The following TATDN3 variants were observed in gnomAD, a reference collection of about 807,000 sequenced individuals.
The protein encoded by TATDN3 is TatD DNase domain containing 3.
In TATDN3, 29 loss-of-function variants were observed where a neutral mutation model predicts 40.1. The ratio of observed to expected loss-of-function variants is 0.72; its 90% CI spans 0.54 to 0.99. TATDN3 has a LOEUF of 0.99. Among genes scored for constraint, TATDN3 ranks in the 50% least tolerant of loss-of-function variants. The pLI, the probability that TATDN3 is intolerant of heterozygous loss-of-function variation, is 0.00. For missense variants in TATDN3, 309 were observed against 321.9 expected, an observed-to-expected ratio of 0.96 and a Z score of 0.31; for synonymous variants, 105 against 117.0, an observed-to-expected ratio of 0.90 and a Z score of 0.66.
chr1:212,805,955 T>C (rs1336423044), intron 7 of TATDN3, among the ~76,000 whole-genome samples: 1 of 152,170 alleles, frequency 6.6e-6, no homozygotes, highest in Non-Finnish European at 1.5e-5. Context: ...TAAGCACTCA[T>C]TGGTTGTGCT....
chr1:212,794,873 T>C, intron 1 of TATDN3: 1 of 652,182 alleles, frequency 1.5e-6, no homozygotes, highest in Non-Finnish European at 2.8e-6. Flanking sequence ...CCCTGTATAT[T>C]TGACAATAGA....
rs778703681 is a variant in TATDN3 at position 212,792,029 on chromosome 1, C to T, written c.66+42C>T. On this transcript the variant is annotated intron_variant, in intron 1 of 9. Coordinates refer to ENST00000366974, the MANE Select transcript of TATDN3 (RefSeq NM_001042552.3). Reference sequence around the variant, plus strand: ...CGGGACCAGAGGGAGCAGGGAGGCCCCCGTCCTTTCCCCTCGTGTTATCTT... The same window carrying T: ...CGGGACCAGAGGGAGCAGGGAGGCCTCCGTCCTTTCCCCTCGTGTTATCTT... The T allele has an allele frequency of 6.9e-6, 11 of 1,588,104 alleles. No homozygotes were observed. In the South Asian group the frequency reaches 1.2e-4, roughly 18 times the overall value.
intron 1 of TATDN3, 32 bp downstream of exon 1, chr1:212,792,019 C>G (rs371080805): frequency 6.2e-7 from 1 of 1,606,138 alleles, no homozygotes; most frequent in Non-Finnish European, 8.5e-7. Context: ...CCAGAGGGAG[C>G]AGGGAGGCCC....
Position 212,812,269 on chromosome 1 carries a change from T to C in TATDN3, c.622T>C (p.Leu208=). The change falls in exon 9 of 10, where the codon TTG becomes CTG. Residue 208 remains leucine, a synonymous_variant. Coordinates refer to ENST00000366974, the MANE Select transcript of TATDN3 (RefSeq NM_001042552.3). ...TAAGAAGCAGAAACTTGTGAAACAATTGCCTTTAACTTCTATATGCTTAGA... is the reference window on the plus strand; with the variant it reads ...TAAGAAGCAGAAACTTGTGAAACAACTGCCTTTAACTTCTATATGCTTAGA... ...SGQKQKLVKQ[L]PLTSICLETD... The C allele has an allele frequency of 6.3e-7, 1 of 1,580,272 alleles. No homozygotes were observed. The highest frequency in any genetic ancestry group is 8.5e-7 in the Non-Finnish European group (1 of 1,170,024).
intron 4 of TATDN3, among the ~76,000 whole-genome samples, chr1:212,798,536 C>CAAAAAAAAAAAAAAAAAAAAAAAA (rs11296428): frequency 1.1e-5 from 1 of 91,322 alleles, no homozygotes; most frequent in African/African-American, 4.1e-5. Context: ...CTCAAAAACT[C>CAAAAAAAAAAAAAAAAAAAAAAAA]AAAAAAAAAA....
Position 212,795,112 on chromosome 1 carries a change from G to A in TATDN3, c.84G>A (p.Leu28=). ...PDFDRDLDDV[L]EKAKKANVVA... is the part of the protein sequence containing the mutation. ...TGTTTTAGGATTTGGATGATGTGTTGGAGAAAGCCAAGAAGGTAAGTCAAT... is the reference window on the plus strand; with the variant it reads ...TGTTTTAGGATTTGGATGATGTGTTAGAGAAAGCCAAGAAGGTAAGTCAAT... Residue 28 remains leucine (L), a synonymous_variant, in exon 2 of 10, where the codon TTG becomes TTA. Transcript: ENST00000366974. 1 of 1,612,128 alleles carries A rather than the reference G, an allele frequency of 6.2e-7. No homozygotes were observed. Among genetic ancestry groups the A allele is most frequent in the Non-Finnish European group, 8.5e-7 (1 of 1,178,774 alleles).
intron 5 of TATDN3, among the ~76,000 whole-genome samples, chr1:212,803,495 ATT>A (rs1343050551): frequency 6.6e-6 from 1 of 152,082 alleles, no homozygotes; most frequent in Non-Finnish European, 1.5e-5. Flanking sequence ...ATTGTGAAAT[ATT>A]TTTATTACTT....
rs998385967 is a variant in TATDN3 at position 212,809,410 on chromosome 1, C to T, written c.600+1562C>T. On this transcript the variant is annotated intron_variant, in intron 8 of 9. Transcript: ENST00000366974. ...TTTAAAAATTAAAAACTAGGCCGGG[C>T]GCAGTGGCTTATGCCTGTAATCCCA... is the stretch of plus-strand genomic sequence containing the variant. 9.9e-5 allele frequency among the ~76,000 whole-genome samples: 15 copies of T among 152,182 alleles called. 1 individual carries two copies. Among genetic ancestry groups the T allele is most frequent in the Admixed American group, 7.2e-4 (11 of 15,268 alleles).
intron 7 of TATDN3, among the ~76,000 whole-genome samples, chr1:212,805,541 C>T (rs754460905): frequency 1.3e-5 from 2 of 152,220 alleles, no homozygotes; most frequent in Non-Finnish European, 2.9e-5. Flanking sequence ...CAGGCGTGAG[C>T]GACTGTGCCT....
At chr1:212,796,313 T>C (rs1175520557) in intron 2 of TATDN3, among the ~76,000 whole-genome samples, 8 of 152,228 alleles carry the variant, frequency 5.3e-5, no homozygotes, top group African/African-American at 1.4e-4. Context: ...ACTTTATAGG[T>C]TTCTGTAAAT....
Position 212,812,239 on chromosome 1 carries a change from T to C in TATDN3, c.601-9T>C. The C allele has an allele frequency of 6.4e-7, 1 of 1,551,480 alleles. No homozygotes were observed. Among genetic ancestry groups the C allele is most frequent in the African/African-American group, 1.4e-5 (1 of 71,388 alleles). ...GTTTTAAACTTAGCTGCTTTCTCTT[T>C]TCTCTAAGAAGCAGAAACTTGTGAA... On this transcript the variant is annotated splice_polypyrimidine_tract_variant and intron_variant, in intron 8 of 9. Transcript: ENST00000366974.
chr1:212,811,570 T>C (rs887093407), intron 8 of TATDN3, among the ~76,000 whole-genome samples: 2 of 151,720 alleles, frequency 1.3e-5, no homozygotes, highest in African/African-American at 4.8e-5. Flanking sequence ...GGCCTATCAG[T>C]TGAATAGTAA....
chr1:212,803,090 AAC>A (rs1226942943), intron 5 of TATDN3, among the ~76,000 whole-genome samples: 19 of 152,102 alleles, frequency 1.2e-4, no homozygotes, highest in Non-Finnish European at 2.4e-4. Flanking sequence ...GTAATTTAGA[AAC>A]ACACTTTAAA....
At chr1:212,806,829 T>TATATATC (rs1662543562) in intron 7 of TATDN3, among the ~76,000 whole-genome samples, 1 of 56,326 alleles carries the variant, frequency 1.8e-5, no homozygotes, top group Admixed American at 1.6e-4. Flanking sequence ...CATATATACA[T>TATATATC]ATATATACAT....
At chr1:212,812,552 GAGTC>G (rs1662949591) in intron 9 of TATDN3, among the ~76,000 whole-genome samples, 1 of 152,170 alleles carries the variant, frequency 6.6e-6, no homozygotes, top group South Asian at 2.1e-4. Flanking sequence ...GTAATAATAA[GAGTC>G]AGACCAGTGT....
chr1:212,804,909 G>A (rs1662367907), intron 7 of TATDN3, among the ~76,000 whole-genome samples: 1 of 152,114 alleles, frequency 6.6e-6, no homozygotes, highest in Non-Finnish European at 1.5e-5. Context: ...TTAAAAATTA[G>A]CAGCTTCATA....
intron 1 of TATDN3, among the ~76,000 whole-genome samples, chr1:212,792,632 C>CAA (rs752952752): frequency 0.022 from 1,632 of 74,998 alleles, 42 homozygotes; most frequent in African/African-American, 0.067. Context: ...GACCCTGTCT[C>CAA]AAAAAAAAAA....
intron 8 of TATDN3, among the ~76,000 whole-genome samples, chr1:212,808,312 CA>C (rs34100841): frequency 4.3e-4 from 48 of 111,434 alleles, no homozygotes; most frequent in African/African-American, 7.5e-4. Context: ...AACTCCATCT[CA>C]AAAAAAAAAA....
chr1:212,806,059 A>G (rs1309875985), intron 7 of TATDN3, among the ~76,000 whole-genome samples: 1 of 152,132 alleles, frequency 6.6e-6, no homozygotes, highest in Non-Finnish European at 1.5e-5. Flanking sequence ...GTCAAATAAT[A>G]AAGTAAATGA....
Sources: allele counts gnomAD v4.1 joint callset (sites outside exome capture counted in the v4.1 genomes callset), GRCh38; gene constraint gnomAD v4.1.1; transcripts MANE v1.5; gene names NCBI Gene and HGNC (gene_info 2026-07-23, HGNC 2026-07-21).